The following SFXN2 variants were observed in gnomAD, a reference collection of about 807,000 sequenced individuals.
SFXN2 encodes sideroflexin 2.
SFXN2 carries 37 observed loss-of-function variants against 41.9 expected under a neutral mutation model. The observed-to-expected ratio is 0.88, with a 90% CI of 0.68 to 1.16. SFXN2 has a LOEUF of 1.16. Ranked by LOEUF, SFXN2 falls within the 50% of genes most tolerant of loss-of-function variation. The pLI is 0.00. For missense variants in SFXN2, 386 were observed against 425.2 expected (o/e 0.91, Z 0.81); for synonymous variants, 150 against 156.7 (o/e 0.96, Z 0.32).
chr10:102,720,712 T>C (rs2064496825), intron 1 of SFXN2, among the ~76,000 whole-genome samples: 1 of 152,154 alleles, frequency 6.6e-6, no homozygotes, highest in South Asian at 2.1e-4. Flanking sequence ...GTGCTCTCCC[T>C]GTTAGCACCT....
rs1842778935 is a variant in SFXN2, at chr10:102,741,022, A to G, written c.*3260A>G. 6.6e-6 allele frequency: 1 copy of G among 152,210 alleles called. No individual in the cohort carries two copies. The highest frequency in any genetic ancestry group is 6.5e-5 in the Admixed American group (1 of 15,272). The allele number at this position is 152,210 out of a possible 1,614,324, so 9.4% of individuals were successfully genotyped here. ...TGTGGTGGCTATAATGTTCAGGGACATTCTAAAAAGTGGTCACTCAAACTG... is the reference window on the plus strand; with the variant it reads ...TGTGGTGGCTATAATGTTCAGGGACGTTCTAAAAAGTGGTCACTCAAACTG... On this transcript the variant is annotated 3_prime_UTR_variant, in exon 12 of 12. Transcript: ENST00000369893.
chr10:102,730,608 C>T (rs778437757), intron 6 of SFXN2, among the ~76,000 whole-genome samples: 1 of 152,122 alleles, frequency 6.6e-6, no homozygotes, highest in Non-Finnish European at 1.5e-5. Flanking sequence ...GAGTCCCTGC[C>T]ACCTACCGGG....
intron 1 of SFXN2, among the ~76,000 whole-genome samples, chr10:102,718,928 T>C (rs1037767162): frequency 6.9e-6 from 1 of 143,952 alleles, no homozygotes; most frequent in African/African-American, 2.6e-5. Context: ...CTTTTTTTTT[T>C]TTTTTTTTTT....
chr10:102,729,637 CTT>C (rs2064669363), intron 5 of SFXN2, 84 bp from the exon 6 acceptor site: 4 of 1,422,800 alleles, frequency 2.8e-6, no homozygotes, highest in Non-Finnish European at 3.9e-6. Flanking sequence ...GCCTAGTTTT[CTT>C]TTTTGTATTC....
intron 4 of SFXN2, among the ~76,000 whole-genome samples, chr10:102,729,096 G>A (rs1220554610): frequency 6.6e-6 from 1 of 152,214 alleles, no homozygotes; most frequent in African/African-American, 2.4e-5. Context: ...GTGTGCAGAG[G>A]CTCCGAGGCA....
chr10:102,736,561 C>T (rs1392021281), intron 11 of SFXN2, among the ~76,000 whole-genome samples: 1 of 151,968 alleles, frequency 6.6e-6, no homozygotes, highest in East Asian at 2.0e-4. Context: ...GGATTATAGG[C>T]ACGTGCCACC....
rs1348761928 is a variant in SFXN2 at position 102,743,424 on chromosome 10, C to T, written c.*5662C>T. ...AAGCTGCTATTTGGGCAGTTGAGAC[C>T]AAGAGAGGCATCCTGGTAATAGTGC... On this transcript the variant is annotated 3_prime_UTR_variant, in exon 12 of 12. Coordinates refer to ENST00000369893, the MANE Select transcript of SFXN2 (RefSeq NM_178858.6). 1 of 152,212 alleles carries T rather than the reference C, an allele frequency of 6.6e-6. No individual in the cohort carries two copies. Among genetic ancestry groups the T allele is most frequent in the Admixed American group, 6.5e-5 (1 of 15,274 alleles). 9.4% of individuals were successfully genotyped at this position (152,212 alleles called of 1,614,324 possible).
In SFXN2 at chr10:102,728,372, C is replaced by A. The variant is rs573100188; in HGVS notation, c.333-59C>A. ...AGATCATGTGCTTTGACTGGCATAC[C>A]CTCAGGACTCCCTGCCATCTGACTT... On this transcript the variant is annotated intron_variant, in intron 3 of 11. Transcript: ENST00000369893. 1.4e-5 allele frequency: 19 copies of A among 1,356,076 alleles called. No individual in the cohort carries two copies. The African/African-American group carries it at 2.3e-4, about 16-fold the overall frequency. The allele number at this position is 1,356,076 out of a possible 1,614,324, so 84.0% of individuals were successfully genotyped here. A position where few individuals can be genotyped will look rare whatever the true frequency, so the allele number is the denominator to read the frequency against.
chr10:102,733,635 G>A (rs1469028390), intron 10 of SFXN2, 32 bp downstream of exon 10: 3 of 1,600,620 alleles, frequency 1.9e-6, no homozygotes, highest in Non-Finnish European at 2.6e-6. Flanking sequence ...TTTGGGTTCT[G>A]CGTGGCTGGA....
chr10:102,718,726 C>T (rs1000652673), intron 1 of SFXN2, among the ~76,000 whole-genome samples: 5 of 152,058 alleles, frequency 3.3e-5, no homozygotes, highest in Non-Finnish European at 7.4e-5. Flanking sequence ...ATGTCTCTTC[C>T]GCCTTAACGA....
chr10:102,732,565 G>A (rs118035767), intron 8 of SFXN2, among the ~76,000 whole-genome samples: 153 of 152,282 alleles, frequency 1.0e-3, no homozygotes, highest in Non-Finnish European at 1.9e-3. Context: ...TTGCACGAAC[G>A]TACAAATACA....
chr10:102,728,769 G>T (rs1477440620), intron 4 of SFXN2, among the ~76,000 whole-genome samples: 2 of 152,124 alleles, frequency 1.3e-5, no homozygotes, highest in Admixed American at 1.3e-4. Flanking sequence ...TGTCTTATGT[G>T]CTGGGGATGT....
chr10:102,722,948 TTGA>T (rs2064531230), intron 1 of SFXN2, among the ~76,000 whole-genome samples: 2 of 70,124 alleles, frequency 2.9e-5, no homozygotes, highest in South Asian at 4.7e-4. Context: ...TTTTTTTTTT[TTGA>T]GACAGGGTCT....
rs1214963982 is a variant in SFXN2 at position 102,738,444 on chromosome 10, C to A, written c.*682C>A. On this transcript the variant is annotated 3_prime_UTR_variant, in exon 12 of 12. Coordinates refer to ENST00000369893, the MANE Select transcript of SFXN2 (RefSeq NM_178858.6). ...CTCAAGTAGCTGGGATTACAGGGCA[C>A]CTGCCACCACGCCTGGCTAATTTTT... The A allele has an allele frequency of 6.6e-6, 1 of 152,184 alleles. No homozygotes were observed. The highest frequency in any genetic ancestry group is 2.4e-5 in the African/African-American group (1 of 41,402). 9.4% of individuals were successfully genotyped at this position (152,184 alleles called of 1,614,324 possible). A position where few individuals can be genotyped will look rare whatever the true frequency, so the allele number is the denominator to read the frequency against.
intron 11 of SFXN2, among the ~76,000 whole-genome samples, chr10:102,736,640 C>T (rs1286236664): frequency 6.6e-6 from 1 of 151,736 alleles, no homozygotes; most frequent in East Asian, 2.0e-4. Flanking sequence ...TGGTCTCAAT[C>T]TCCTCACCTT....
intron 5 of SFXN2, 103 bp from the exon 6 acceptor site, chr10:102,729,620 T>C (rs2064669313): frequency 2.3e-6 from 3 of 1,279,780 alleles, no homozygotes; most frequent in Admixed American, 2.0e-5. Context: ...TGTGTGGCGG[T>C]AGCAAGGCCT....
intron 7 of SFXN2, 22 bp from the exon 8 acceptor site, chr10:102,732,130 A>G: frequency 1.2e-6 from 2 of 1,609,854 alleles, no homozygotes; most frequent in Non-Finnish European, 8.5e-7. Flanking sequence ...ATTTCTGACA[A>G]CTTACTATTT....
intron 1 of SFXN2, among the ~76,000 whole-genome samples, chr10:102,718,506 A>T (rs1316252473): frequency 6.6e-6 from 1 of 152,250 alleles, no homozygotes; most frequent in Non-Finnish European, 1.5e-5. Flanking sequence ...TCTTTGAAGC[A>T]GCCTGCAGGA....
chr10:102,720,009 G>C (rs1279884997), intron 1 of SFXN2, among the ~76,000 whole-genome samples: 1 of 152,170 alleles, frequency 6.6e-6, no homozygotes, highest in Admixed American at 6.5e-5. Flanking sequence ...GAAAATCCCG[G>C]CCGGGCTTGG....
Sources: gnomAD v4.1 joint callset for allele counts (sites outside exome capture counted in the v4.1 genomes callset) on GRCh38, gnomAD v4.1.1 for gene constraint, MANE v1.5 for transcripts, NCBI Gene and HGNC (gene_info 2026-07-23, HGNC 2026-07-21) for gene names.